The following COL2A1 variants were observed in gnomAD, a reference collection of about 807,000 sequenced individuals.
The protein encoded by COL2A1 is collagen alpha-1(II) chain.
In COL2A1, 28 loss-of-function variants were observed where a neutral mutation model predicts 204.5. The observed-to-expected ratio is 0.14, with a 90% CI of 0.10 to 0.19. The LOEUF (loss-of-function observed/expected upper bound fraction) is 0.19. Among genes scored for constraint, COL2A1 ranks in the 10% least tolerant of loss-of-function variants. The pLI, the probability that COL2A1 is intolerant of heterozygous loss-of-function variation, is 1.00. For missense variants in COL2A1, 1,388 were observed against 2,027.5 expected (o/e 0.68, Z 6.06); for synonymous variants, 708 against 718.7 (o/e 0.99, Z 0.24).
intron 25 of COL2A1, 65 bp from the exon 26 acceptor site, chr12:47,985,652 G>T: frequency 5.0e-6 from 8 of 1,607,548 alleles, no homozygotes; most frequent in Non-Finnish European, 6.8e-6. Flanking sequence ...AATCCTGGCA[G>T]TGCAGGGCTG....
At chr12:47,995,676 C>T in intron 10 of COL2A1, 34 bp downstream of exon 10, 1 of 1,607,752 alleles carries the variant, frequency 6.2e-7, no homozygotes, top group South Asian at 1.1e-5. Flanking sequence ...TAGAGGCTCC[C>T]CCAGAGAAGG....
At chr12:47,977,059 C>G in intron 47 of COL2A1, 43 bp downstream of exon 47, 2 of 1,586,450 alleles carry the variant, frequency 1.3e-6, no homozygotes, top group Non-Finnish European at 1.7e-6. Flanking sequence ...CCCTCCCAGC[C>G]TATCCCTGGT....
At chr12:47,999,767 T>C (rs1940145195) in intron 2 of COL2A1, 152 bp downstream of exon 2, 1 of 664,380 alleles carries the variant, frequency 1.5e-6, no homozygotes. Context: ...AACCTGCAAG[T>C]GAGAAGTGGC....
chr12:47,975,934 G>GACAGCAGGGAAGGAGTCAGGACACTT, intron 50 of COL2A1, 29 bp downstream of exon 50: 2 of 1,545,958 alleles, frequency 1.3e-6, no homozygotes, highest in South Asian at 2.2e-5. Context: ...GGGACACCTC[G>GACAGCAGGGAAGGAGTCAGGACACTT]ACAGCAGGGA....
Position 47,995,780 on chromosome 12 carries a change from G to A in COL2A1, c.655-17C>T, listed in dbSNP as rs372454816. The A allele has an allele frequency of 3.7e-5, 60 of 1,613,718 alleles. No homozygotes were observed. In the African/African-American group the frequency reaches 7.2e-4, roughly 19 times the overall value. On this transcript the variant is annotated splice_polypyrimidine_tract_variant and intron_variant, in intron 9 of 53. Transcript: ENST00000380518. ...TTGAGGCCCCTAAAAAGTAAAATGA[G>A]GATACCAGGTCAATCCCTATAAACT... is the stretch of plus-strand genomic sequence containing the variant.
rs556139305 is a variant in COL2A1 at position 48,001,557 on chromosome 12, G to C, written c.86-1432C>G. Among the ~76,000 whole-genome samples, 9 of 152,294 alleles carry C rather than the reference G, an allele frequency of 5.9e-5. No homozygotes were observed. In the East Asian group the frequency reaches 1.5e-3, roughly 26 times the overall value. ...GCCCATGAGGACCCAGGGAGGAGAG[G>C]GGGAAATGCTAGGAGAGGGGCCACT... On this transcript the variant is annotated intron_variant, in intron 1 of 53. Coordinates refer to ENST00000380518, the MANE Select transcript of COL2A1 (RefSeq NM_001844.5).
In COL2A1 at chr12:47,998,462, G is replaced by C. The variant is rs1386597896; in HGVS notation, c.293-31C>G. Reference sequence around the variant, plus strand: ...AGGGAAAAAATATAGAGAAGAAGAAGGTAAGAATCTTGAGATGGAAAAATA... The same window carrying C: ...AGGGAAAAAATATAGAGAAGAAGAACGTAAGAATCTTGAGATGGAAAAATA... On this transcript the variant is annotated intron_variant, in intron 2 of 53. Transcript: ENST00000380518. 5 of 1,606,814 alleles carry C rather than the reference G, an allele frequency of 3.1e-6. No individual in the cohort carries two copies. The Admixed American group carries it at 5.0e-5, about 16-fold the overall frequency.
intron 35 of COL2A1, 123 bp from the exon 36 acceptor site, chr12:47,981,952 C>A: frequency 1.5e-6 from 2 of 1,307,984 alleles, no homozygotes; most frequent in Non-Finnish European, 2.2e-6. Context: ...TACCCTCTGG[C>A]CCCATTTTAA....
At chr12:47,985,888 C>A in intron 24 of COL2A1, 24 bp downstream of exon 24, 1 of 1,559,860 alleles carries the variant, frequency 6.4e-7, no homozygotes, top group Non-Finnish European at 8.7e-7. Flanking sequence ...AGGGAGGGAC[C>A]CCAGCCCCTC....
intron 12 of COL2A1, 130 bp from the exon 13 acceptor site, chr12:47,994,177 C>T: frequency 4.4e-6 from 5 of 1,146,496 alleles, no homozygotes; most frequent in Middle Eastern, 2.4e-4. Context: ...ACTTGGACAG[C>T]TCTTTCTGTA....
At chr12:47,977,898 G>A (rs2136524086) in intron 44 of COL2A1, 112 bp downstream of exon 44, 4 of 1,096,326 alleles carry the variant, frequency 3.6e-6, no homozygotes, top group South Asian at 2.7e-5. Flanking sequence ...GGCCGACACT[G>A]CCACCCCCTT....
At chr12:47,986,057 A>G (rs1034487750) in intron 23 of COL2A1, 92 bp from the exon 24 acceptor site, 31 of 1,244,568 alleles carry the variant, frequency 2.5e-5, no homozygotes, top group Non-Finnish European at 4.6e-6. Context: ...CACCAACCCC[A>G]ATTTCTGGGG....
At chr12:47,992,839 C>G (rs1939768648) in intron 16 of COL2A1, 39 bp downstream of exon 16, 1 of 1,609,756 alleles carries the variant, frequency 6.2e-7, no homozygotes, top group African/African-American at 1.3e-5. Context: ...CTCTAAAGTG[C>G]TCGGCAAATG....
chr12:47,978,662 G>A lies in COL2A1; in HGVS notation c.2830C>T (p.Pro944Ser). The change falls in exon 42 of 54, where the codon CCC becomes TCC. Residue 944 changes from proline (P) to serine (S), a missense_variant. Physicochemically the swap from Pro to Ser is moderately conservative, Grantham distance 74. Transcript: ENST00000380518. The surrounding 1 kb of genome is among the most constrained non-coding windows in gnomAD (Gnocchi z 5.5). The stretch of plus-strand genomic sequence containing the variant: ...GGTCCAGCAGGACCTTGGAGGCCGG[G>A]TTCACCAGCTCGGCCAGGGGGGCCG... ...DSGPPGRAGEPGLQGPAGPPG... is the reference protein window; with the variant it reads ...DSGPPGRAGESGLQGPAGPPG... 2 of 1,613,388 alleles carry A rather than the reference G, an allele frequency of 1.2e-6. No individual in the cohort carries two copies. Among genetic ancestry groups the A allele is most frequent in the South Asian group, 1.1e-5 (1 of 91,090 alleles).
intron 1 of COL2A1, among the ~76,000 whole-genome samples, chr12:48,000,339 G>A (rs1468577541): frequency 6.6e-6 from 1 of 152,202 alleles, no homozygotes; most frequent in Admixed American, 6.5e-5. Context: ...TATGCACCTT[G>A]CACCATGTTG....
Position 47,987,723 on chromosome 12 carries a change from G to T in COL2A1, c.1123-14C>A. ...GCCGGCTTCACCCTGGGAAGAGACA[G>T]GGAGGATGAAATGAAGAAGAAGAGA... is the stretch of plus-strand genomic sequence containing the variant. On this transcript the variant is annotated splice_polypyrimidine_tract_variant and intron_variant, in intron 18 of 53. Coordinates refer to ENST00000380518, the MANE Select transcript of COL2A1 (RefSeq NM_001844.5). This position sits in a 1 kb window ranked among gnomAD's most constrained non-coding sequence, Gnocchi z 4.1. 1 of 1,600,112 alleles carries T rather than the reference G, an allele frequency of 6.2e-7. No homozygotes were observed. Among genetic ancestry groups the T allele is most frequent in the Non-Finnish European group, 8.5e-7 (1 of 1,170,532 alleles).
In COL2A1 at chr12:47,978,742, G is replaced by A. The variant is rs529306283; in HGVS notation, c.2750C>T (p.Pro917Leu). The change falls in exon 42 of 54, where the codon CCT becomes CTT. Residue 917 changes from proline (P) to leucine (L), a missense_variant. Physicochemically the swap from Pro to Leu is moderately conservative, Grantham distance 98. This residue lies in a region of COL2A1 where 884 missense variants were observed against 1,415.8 expected (regional missense o/e 0.62). Transcript: ENST00000380518. This position sits in a 1 kb window ranked among gnomAD's most constrained non-coding sequence, Gnocchi z 5.5. ...TTTTCCAGAAGGACCAGGGGGACCAGGGGGTCCAGGGTTGCCCTAGAAGGA... is the reference window on the plus strand; with the variant it reads ...TTTTCCAGAAGGACCAGGGGGACCAAGGGGTCCAGGGTTGCCCTAGAAGGA... ...PPGSNGNPGP[P>L]GPPGPSGKDG... 7 of 1,613,048 alleles carry A rather than the reference G, an allele frequency of 4.3e-6. No individual in the cohort carries two copies. The highest frequency in any genetic ancestry group is 3.3e-5 in the South Asian group (3 of 91,078).
chr12:47,986,206 T>C, intron 23 of COL2A1, 130 bp downstream of exon 23: 1 of 771,072 alleles, frequency 1.3e-6, no homozygotes. Flanking sequence ...CTCCCCGCGG[T>C]GTGGATGGAG....
In COL2A1 at chr12:47,978,799, C is replaced by G. The variant is rs757288301; in HGVS notation, c.2734-41G>C. 1 of 1,603,690 alleles carries G rather than the reference C, an allele frequency of 6.2e-7. No individual in the cohort carries two copies. Among genetic ancestry groups the G allele is most frequent in the African/African-American group, 1.4e-5 (1 of 70,526 alleles). ...GCGGGAAGTGAGGACTCATCTCACC[C>G]TTCCTCATCCAGGCTGCCAAAGTCA... On this transcript the variant is annotated intron_variant, in intron 41 of 53. Coordinates refer to ENST00000380518, the MANE Select transcript of COL2A1 (RefSeq NM_001844.5). This position sits in a 1 kb window ranked among gnomAD's most constrained non-coding sequence, Gnocchi z 5.5.
Sources: gnomAD v4.1 joint callset for allele counts (sites outside exome capture counted in the v4.1 genomes callset) on GRCh38, gnomAD v4.1.1 for gene constraint, gnomAD v4.1.1 regional missense constraint, Gnocchi (gnomAD v3.1) non-coding constraint, MANE v1.5 for transcripts, NCBI Gene and HGNC (gene_info 2026-07-23, HGNC 2026-07-21) for gene names.